PFDN4: variants seen among roughly 807,000 people sequenced by gnomAD.
The protein encoded by PFDN4 is prefoldin subunit 4.
PFDN4 carries 6 observed loss-of-function variants against 17.6 expected under a neutral mutation model. The ratio of observed to expected loss-of-function variants is 0.34; its 90% CI spans 0.19 to 0.67. The LOEUF (loss-of-function observed/expected upper bound fraction) is 0.67. Ranked by LOEUF, PFDN4 falls within the 30% of genes least tolerant of loss-of-function variation. The pLI is 0.68. For synonymous variants in PFDN4, 48 were observed against 51.1 expected (o/e 0.94, Z 0.26); for missense variants, 119 against 158.4 (o/e 0.75, Z 1.33).
Position 54,214,365 on chromosome 20 carries a change from C to A in PFDN4, c.39C>A (p.Val13=). The A allele has an allele frequency of 6.3e-7, 1 of 1,582,054 alleles. No individual in the cohort carries two copies. Among genetic ancestry groups the A allele is most frequent in the South Asian group, 1.1e-5 (1 of 88,710 alleles). ...ATMKKAAAED[V]NVTFEDQQKI... is the part of the protein sequence containing the mutation. ...ACTTCTTTCAGGCTGCAGAAGATGT[C>A]AATGTTACTTTCGAAGATCAACAAA... The change falls in exon 2 of 4, where the codon GTC becomes GTA. Residue 13 remains valine (V), a synonymous_variant. Transcript: ENST00000371419.
At position 54,219,533 on chromosome 20, in the gene PFDN4, G is replaced by A. The variant is rs907387722; in HGVS notation, c.*383G>A. The A allele has an allele frequency of 1.3e-5, 5 of 391,826 alleles. No individual in the cohort carries two copies. The highest frequency in any genetic ancestry group is 4.1e-5 in the African/African-American group (2 of 48,452). 24.3% of individuals were successfully genotyped at this position (391,826 alleles called of 1,614,324 possible). A position where few individuals can be genotyped will look rare whatever the true frequency, so the allele number is the denominator to read the frequency against. ...TGCTGTCTAATGACGGGGAAAGCAC[G>A]ATGAAAAGATGTACAATCCTGCATC... is the stretch of plus-strand genomic sequence containing the variant. On this transcript the variant is annotated 3_prime_UTR_variant, in exon 4 of 4. Transcript: ENST00000371419.
intron 1 of PFDN4, chr20:54,208,990 C>G (rs1239727216): frequency 2.0e-5 from 3 of 152,126 alleles, no homozygotes; most frequent in Non-Finnish European, 4.4e-5. Context: ...GGTTTTTAAT[C>G]CCGTGAGCCT....
intron 1 of PFDN4, among the ~76,000 whole-genome samples, chr20:54,212,571 T>G (rs963313655): frequency 3.3e-5 from 5 of 152,260 alleles, no homozygotes; most frequent in African/African-American, 9.6e-5. Context: ...ATGATTTAGA[T>G]TCAAATTCAG....
At position 54,219,078 on chromosome 20, in the gene PFDN4, G is replaced by A; in HGVS notation, c.333G>A (p.Val111=). 6.3e-7 allele frequency: 1 copy of A among 1,592,890 alleles called. No homozygotes were observed. Among genetic ancestry groups the A allele is most frequent in the Non-Finnish European group, 8.6e-7 (1 of 1,166,832 alleles). The stretch of plus-strand genomic sequence containing the variant: ...CCAGAGTGGAATCAATTCAGCGAGT[G>A]TTAGCAGATTTGAAAGTTCAGTTGT... ...LESRVESIQR[V]LADLKVQLYA... The change falls in exon 4 of 4, where the codon GTG becomes GTA. Residue 111 remains valine (V), a synonymous_variant. Coordinates refer to ENST00000371419, the MANE Select transcript of PFDN4 (RefSeq NM_002623.4).
rs543012705 is a variant in PFDN4 at position 54,208,233 on chromosome 20, CCCGAGG to C, written c.24+124_24+129del. The C allele has an allele frequency of 7.7e-4, 817 of 1,057,662 alleles. 8 individuals carry two copies. In the African/African-American group the frequency reaches 0.012, roughly 16 times the overall value. 65.5% of individuals were successfully genotyped at this position (1,057,662 alleles called of 1,614,324 possible). A position where few individuals can be genotyped will look rare whatever the true frequency, so the allele number is the denominator to read the frequency against. On this transcript the variant is annotated intron_variant, in intron 1 of 3. Transcript: ENST00000371419. ...CGCAGCTCCGAAGCCCGGCGTGGGA[CCCGAGG>C]CCGAGGCCGAGGCCCTGAGAGCGGT...
rs1302879154 is a variant in PFDN4, at chr20:54,208,121, G to T, written c.21G>T (p.Lys7Asn). 1.3e-6 allele frequency: 2 copies of T among 1,557,264 alleles called. No individual in the cohort carries two copies. The highest frequency in any genetic ancestry group is 1.9e-5 in the Admixed American group (1 of 52,990). The change falls in exon 1 of 4, where the codon AAG becomes AAT. Residue 7 changes from lysine (K) to asparagine (N), a missense_variant. Lys to Asn is a moderately conservative substitution (Grantham distance 94). Transcript: ENST00000371419. The part of the protein sequence containing the change: MAATMK[K>N]AAAEDVNVTF... ...CCAAGATGGCGGCCACCATGAAGAA[G>T]GCGGTGAGTGGGGAGCTCGGGGCTC...
chr20:54,214,301 C>A (rs1355570221), intron 1 of PFDN4, 50 bp from the exon 2 acceptor site: 6 of 937,890 alleles, frequency 6.4e-6, no homozygotes, highest in Non-Finnish European at 1.0e-5. Context: ...AAAAAGCTAA[C>A]TGATAACTTC....
At chr20:54,208,281 C>A in intron 1 of PFDN4, 157 bp downstream of exon 1, 1 of 603,466 alleles carries the variant, frequency 1.7e-6, no homozygotes, top group Non-Finnish European at 2.6e-6. Context: ...GCAAGGCCTG[C>A]TCGCGCCTGG....
intron 1 of PFDN4, among the ~76,000 whole-genome samples, chr20:54,210,293 TGCA>T (rs2092754050): frequency 6.6e-6 from 1 of 152,336 alleles, no homozygotes; most frequent in South Asian, 2.1e-4. Flanking sequence ...ACATGATAGA[TGCA>T]GTGTCCTCCT....
chr20:54,208,106 G>A lies in PFDN4; in HGVS notation c.6G>A (p.Ala2=). 1 of 1,555,618 alleles carries A rather than the reference G, an allele frequency of 6.4e-7. No homozygotes were observed. Among genetic ancestry groups the A allele is most frequent in the Non-Finnish European group, 8.7e-7 (1 of 1,149,946 alleles). The part of the protein sequence containing the change: M[A]ATMKKAAAED... ...TGCGGTAGTCCAGTCCCAAGATGGC[G>A]GCCACCATGAAGAAGGCGGTGAGTG... Residue 2 remains alanine, a synonymous_variant, in exon 1 of 4, where the codon GCG becomes GCA. Coordinates refer to ENST00000371419, the MANE Select transcript of PFDN4 (RefSeq NM_002623.4).
intron 2 of PFDN4, among the ~76,000 whole-genome samples, 164 bp downstream of exon 2, chr20:54,214,622 G>A (rs1240274470): frequency 6.6e-6 from 1 of 152,062 alleles, no homozygotes; most frequent in African/African-American, 2.4e-5. Flanking sequence ...TAAGGGATAT[G>A]CGATAACTTA....
intron 1 of PFDN4, among the ~76,000 whole-genome samples, chr20:54,209,880 C>T (rs1417058169): frequency 3.3e-5 from 5 of 152,178 alleles, no homozygotes; most frequent in African/African-American, 1.2e-4. Context: ...TCCCCTTAAT[C>T]TCATAGCCCC....
chr20:54,211,898 A>T (rs1416689855), intron 1 of PFDN4, among the ~76,000 whole-genome samples: 1 of 152,128 alleles, frequency 6.6e-6, no homozygotes, highest in Non-Finnish European at 1.5e-5. Flanking sequence ...CCAGTTAAGA[A>T]TTACCCACTT....
Position 54,208,131 on chromosome 20 carries a change from G to GGGGA in PFDN4, c.24+9_24+12dup. On this transcript the variant is annotated splice_region_variant and intron_variant, in intron 1 of 3. Coordinates refer to ENST00000371419, the MANE Select transcript of PFDN4 (RefSeq NM_002623.4). ...GGCCACCATGAAGAAGGCGGTGAGTGGGGAGCTCGGGGCTCTGGATGCTCG... is the reference window on the plus strand; with the variant it reads ...GGCCACCATGAAGAAGGCGGTGAGTGGGGAGGGAGCTCGGGGCTCTGGATGCTCG... 1.3e-6 allele frequency: 2 copies of GGGGA among 1,553,520 alleles called. No homozygotes were observed. The highest frequency in any genetic ancestry group is 2.4e-5 in the South Asian group (2 of 84,582).
Position 54,219,045 on chromosome 20 carries a change from C to T in PFDN4, c.300C>T (p.Ala100=), listed in dbSNP as rs773741373. 4.5e-6 allele frequency: 7 copies of T among 1,561,530 alleles called. No individual in the cohort carries two copies. The highest frequency in any genetic ancestry group is 2.3e-5 in the East Asian group (1 of 42,902). Residue 100 remains alanine, a synonymous_variant, in exon 4 of 4, where the codon GCC becomes GCT. Coordinates refer to ENST00000371419, the MANE Select transcript of PFDN4 (RefSeq NM_002623.4). ...AAAATTTGCAAGAAGAAATTGACGC[C>T]TTAGAATCCAGAGTGGAATCAATTC... ...AKKNLQEEID[A]LESRVESIQR... is the part of the protein sequence containing the mutation.
intron 3 of PFDN4, among the ~76,000 whole-genome samples, chr20:54,217,087 GC>G (rs1234565804): frequency 6.6e-6 from 1 of 152,122 alleles, no homozygotes; most frequent in Non-Finnish European, 1.5e-5. Context: ...CCTGCATGGA[GC>G]ATATAGTCTA....
chr20:54,212,180 G>C (rs1161088957), intron 1 of PFDN4, among the ~76,000 whole-genome samples: 1 of 144,444 alleles, frequency 6.9e-6, no homozygotes. Flanking sequence ...GCGACAGAGT[G>C]AGACTCTGTC....
intron 3 of PFDN4, among the ~76,000 whole-genome samples, chr20:54,218,200 A>G (rs2092765236): frequency 6.6e-6 from 1 of 151,036 alleles, no homozygotes; most frequent in Admixed American, 6.6e-5. Flanking sequence ...TTTAAAACAA[A>G]GAGTATATGT....
At chr20:54,217,587 T>C (rs2077346284) in intron 3 of PFDN4, among the ~76,000 whole-genome samples, 1 of 152,140 alleles carries the variant, frequency 6.6e-6, no homozygotes. Flanking sequence ...TGTCTTCCAA[T>C]AAAACTTGAC....
Sources: gnomAD v4.1 joint callset for allele counts (sites outside exome capture counted in the v4.1 genomes callset) on GRCh38, gnomAD v4.1.1 for gene constraint, MANE v1.5 for transcripts, NCBI Gene and HGNC (gene_info 2026-07-23, HGNC 2026-07-21) for gene names.